TRHDE: variants seen among roughly 807,000 people sequenced by gnomAD.
TRHDE encodes thyrotropin releasing hormone degrading enzyme, also known as thyrotropin-releasing hormone-degrading ectoenzyme.
In TRHDE, 72 loss-of-function variants were observed where a neutral mutation model predicts 125.7. The ratio of observed to expected loss-of-function variants is 0.57; its 90% CI spans 0.47 to 0.70. TRHDE has a LOEUF of 0.70. Among genes scored for constraint, TRHDE ranks in the 30% least tolerant of loss-of-function variants. TRHDE has a pLI of 0.00. For synonymous variants in TRHDE, 509 were observed against 509.1 expected, an observed-to-expected ratio of 1.00 and a Z score of 0.00; for missense variants, 1,110 against 1,327.1, an observed-to-expected ratio of 0.84 and a Z score of 2.54.
chr12:72,314,482 T>A (rs1309667094), intron 2 of TRHDE, among the ~76,000 whole-genome samples: 1 of 152,172 alleles, frequency 6.6e-6, no homozygotes. Context: ...TTATAGACAT[T>A]ATCCACTATG....
intron 2 of TRHDE, among the ~76,000 whole-genome samples, chr12:72,368,281 G>C (rs1486693087): frequency 6.6e-6 from 1 of 152,140 alleles, no homozygotes; most frequent in Non-Finnish European, 1.5e-5. Context: ...GGTACATTAA[G>C]TTATTAGAAG....
chr12:72,632,801 G>A (rs1007048301), intron 15 of TRHDE, among the ~76,000 whole-genome samples: 2 of 147,484 alleles, frequency 1.4e-5, no homozygotes, highest in African/African-American at 4.9e-5. Flanking sequence ...CCTTTTTGTA[G>A]GTCTTTATCA....
At chr12:72,445,015 A>G (rs1457872304) in intron 3 of TRHDE, among the ~76,000 whole-genome samples, 1 of 151,802 alleles carries the variant, frequency 6.6e-6, no homozygotes, top group Non-Finnish European at 1.5e-5. Context: ...GTGTTTTTCT[A>G]TGTGACCTTT....
Position 72,663,082 on chromosome 12 carries a change from G to A in TRHDE, c.3097G>A (p.Val1033Ile), listed in dbSNP as rs376236985. Reference sequence around the variant, plus strand: ...GAACTTCATGAAAAACTATGATGGGGTAGCTGCTGCTTCTTTCTCACGAGC... The same window carrying A: ...GAACTTCATGAAAAACTATGATGGGATAGCTGCTGCTTCTTTCTCACGAGC... Reference protein sequence around the residue: ...LKNFMKNYDGVAAASFSRAVE... With the variant: ...LKNFMKNYDGIAAASFSRAVE... Residue 1033 changes from valine (V) to isoleucine (I), a missense_variant, in exon 19 of 19, where the codon GTA becomes ATA. Coordinates refer to ENST00000261180, the MANE Select transcript of TRHDE (RefSeq NM_013381.3). The A allele has an allele frequency of 3.7e-6, 6 of 1,612,144 alleles. No individual in the cohort carries two copies. In the African/African-American group the frequency reaches 6.7e-5, roughly 18 times the overall value.
In TRHDE at chr12:72,307,557, T is replaced by G. The variant is rs377357722; in HGVS notation, c.1188+20603T>G. ...GCTGGAGGCAGAGAGATTATGTAAG[T>G]GGTTACTGTAGTGTGTGGAGTTGAG... On this transcript the variant is annotated intron_variant, in intron 2 of 18. Transcript: ENST00000261180. Among the ~76,000 whole-genome samples the G allele has an allele frequency of 7.3e-4, 111 of 152,208 alleles. 2 individuals carry two copies. In the South Asian group the frequency reaches 0.023, roughly 31 times the overall value.
intron 2 of TRHDE, among the ~76,000 whole-genome samples, chr12:72,318,413 G>A (rs914134925): frequency 6.6e-6 from 1 of 152,190 alleles, no homozygotes; most frequent in Non-Finnish European, 1.5e-5. Context: ...AGAAGGTGAT[G>A]TGCGATATTT....
chr12:72,383,067 T>A (rs894018198), intron 3 of TRHDE, among the ~76,000 whole-genome samples: 29 of 152,222 alleles, frequency 1.9e-4, no homozygotes, highest in African/African-American at 6.3e-4. Context: ...AAATTTGTTT[T>A]TAAATCTCTA....
chr12:72,584,083 A>G (rs760706932), intron 12 of TRHDE, among the ~76,000 whole-genome samples: 3 of 151,936 alleles, frequency 2.0e-5, no homozygotes, highest in Non-Finnish European at 4.4e-5. Flanking sequence ...AAGGATGACA[A>G]ACTTTCTTAG....
In TRHDE at chr12:72,535,370, G is replaced by A. The variant is rs201018668; in HGVS notation, c.1723-6921G>A. On this transcript the variant is annotated intron_variant, in intron 6 of 18. Transcript: ENST00000261180. ...TGGCCCATAGGATGGATTCCTGAGG[G>A]TGAGAACCCATCTGGGGTTGTCTCT... Among the ~76,000 whole-genome samples, 5 of 152,036 alleles carry A rather than the reference G, an allele frequency of 3.3e-5. No homozygotes were observed. In the East Asian group the frequency reaches 9.7e-4, roughly 29 times the overall value.
At chr12:72,154,447 C>A (rs1156761453) in intron 2 of TRHDE, among the ~76,000 whole-genome samples, 1 of 152,180 alleles carries the variant, frequency 6.6e-6, no homozygotes, top group Admixed American at 6.5e-5. Flanking sequence ...ATGATTTTAG[C>A]TGGCTATTTT....
chr12:72,435,611 A>G (rs964895284), intron 3 of TRHDE, among the ~76,000 whole-genome samples: 3 of 150,828 alleles, frequency 2.0e-5, no homozygotes, highest in African/African-American at 7.3e-5. Flanking sequence ...TGGATACAGT[A>G]CTTGAATGAA....
intron 2 of TRHDE, among the ~76,000 whole-genome samples, chr12:72,176,490 G>A (rs1205555891): frequency 6.6e-6 from 1 of 152,114 alleles, no homozygotes; most frequent in Non-Finnish European, 1.5e-5. Context: ...TCATCTTTGT[G>A]CTTTCCACAC....
chr12:72,256,627 G>C (rs180939836), intron 2 of TRHDE: 2 of 149,146 alleles, frequency 1.3e-5, no homozygotes, highest in Admixed American at 1.3e-4. Context: ...AATATTTGTT[G>C]ACTAAATGAA....
chr12:72,151,411 T>C (rs1358498968), intron 2 of TRHDE, among the ~76,000 whole-genome samples: 2 of 152,344 alleles, frequency 1.3e-5, no homozygotes, highest in East Asian at 1.9e-4. Flanking sequence ...TAGATCCCAT[T>C]TGTCAATTTT....
At chr12:72,414,295 A>G (rs1224154079) in intron 3 of TRHDE, among the ~76,000 whole-genome samples, 1 of 152,108 alleles carries the variant, frequency 6.6e-6, no homozygotes, top group Non-Finnish European at 1.5e-5. Flanking sequence ...GGGAAACATC[A>G]GAGCCCAGGA....
Position 72,286,896 on chromosome 12 carries a change from T to A in TRHDE, c.1130T>A (p.Leu377Ter), listed in dbSNP as rs1879910185. 1 of 1,613,898 alleles carries A rather than the reference T, an allele frequency of 6.2e-7. No homozygotes were observed. The highest frequency in any genetic ancestry group is 8.5e-7 in the Non-Finnish European group (1 of 1,179,980). The change falls in exon 2 of 19, where the codon TTA becomes TAA. Residue 377 changes from leucine (L) to a stop codon, truncating the protein, a stop_gained. Transcript: ENST00000261180. LOFTEE classifies it high-confidence loss of function. The stretch of plus-strand genomic sequence containing the variant: ...ACCCCTCTCATGTCCACATATTATT[T>A]AGCCTGGGCAATTTGCAACTTCACA... Reference protein sequence around the residue: ...SQTPLMSTYYLAWAICNFTYR... With the variant: ...SQTPLMSTYY
intron 3 of TRHDE, among the ~76,000 whole-genome samples, chr12:72,417,602 G>T (rs559477447): frequency 2.5e-4 from 38 of 151,874 alleles, no homozygotes; most frequent in Non-Finnish European, 7.4e-5. Context: ...CTTTAGTAAT[G>T]TTATTTACTT....
intron 12 of TRHDE, among the ~76,000 whole-genome samples, chr12:72,587,192 C>T (rs551465472): frequency 3.3e-5 from 5 of 152,218 alleles, no homozygotes; most frequent in African/African-American, 1.2e-4. Context: ...AAGTCTCTGG[C>T]CTCCCAGTTT....
At chr12:72,287,768 A>G (rs1347274809) in intron 2 of TRHDE, among the ~76,000 whole-genome samples, 1 of 152,108 alleles carries the variant, frequency 6.6e-6, no homozygotes, top group Non-Finnish European at 1.5e-5. Flanking sequence ...ATTCTCTTTG[A>G]TGGCTATCAT....
Sources: allele counts gnomAD v4.1 joint callset (sites outside exome capture counted in the v4.1 genomes callset), GRCh38; gene constraint gnomAD v4.1.1; transcripts MANE v1.5; gene names NCBI Gene and HGNC (gene_info 2026-07-23, HGNC 2026-07-21).